Variants in CALN1 observed in about 807,000 individuals in gnomAD.
CALN1 encodes calneuron 1, also known as calcium-binding protein 8.
In CALN1, 17 loss-of-function variants were observed where a neutral mutation model predicts 30.6. The ratio of observed to expected loss-of-function variants is 0.56; its 90% CI spans 0.38 to 0.83. The LOEUF is 0.83. Among genes scored for constraint, CALN1 ranks in the 40% least tolerant of loss-of-function variants. CALN1 has a pLI of 0.00. For missense variants in CALN1, 291 were observed against 354.9 expected (o/e 0.82, Z 1.45); for synonymous variants, 156 against 131.4 (o/e 1.19, Z -1.28).
chr7:72,051,675 A>G (rs1400495035), intron 4 of CALN1, among the ~76,000 whole-genome samples: 5 of 152,230 alleles, frequency 3.3e-5, no homozygotes. Context: ...GGAAAATCTA[A>G]TTTAAAATAT....
At chr7:72,041,254 T>C (rs535635266) in intron 4 of CALN1, among the ~76,000 whole-genome samples, 1 of 152,144 alleles carries the variant, frequency 6.6e-6, no homozygotes, top group East Asian at 1.9e-4. Context: ...TAGTCTCTAG[T>C]AATGTTCAAT....
At chr7:71,826,617 T>C (rs965021987) in intron 5 of CALN1, among the ~76,000 whole-genome samples, 2 of 152,100 alleles carry the variant, frequency 1.3e-5, no homozygotes, top group African/African-American at 4.8e-5. Context: ...CCACAGACCA[T>C]GTTGGAGGGG....
At chr7:72,373,213 G>GA in intron 2 of CALN1, among the ~76,000 whole-genome samples, 1 of 151,984 alleles carries the variant, frequency 6.6e-6, no homozygotes, top group Non-Finnish European at 1.5e-5. Context: ...AACAACACAG[G>GA]AAAAAAAGGA....
At chr7:71,994,511 CAAAAAA>C (rs367725464) in intron 5 of CALN1, among the ~76,000 whole-genome samples, 1 of 44,056 alleles carries the variant, frequency 2.3e-5, no homozygotes, top group African/African-American at 8.5e-5. Flanking sequence ...GACTTCATCT[CAAAAAA>C]AAAAAAAAAA....
chr7:72,035,823 T>C (rs1173299022), intron 4 of CALN1, among the ~76,000 whole-genome samples: 2 of 152,238 alleles, frequency 1.3e-5, no homozygotes. Context: ...CTAGTAATTT[T>C]TGAAAACGCA....
chr7:72,267,337 C>G lies in CALN1; in HGVS notation c.244+11349G>C, dbSNP rs542732758. ...AGCTTACTGCACAGAAACCAGCCCC[C>G]CTCCTGGCATAAAGTCATGCTCATG... is the stretch of plus-strand genomic sequence containing the variant. On this transcript the variant is annotated intron_variant, in intron 3 of 6. Transcript: ENST00000395275. 1.4e-4 allele frequency among the ~76,000 whole-genome samples: 21 copies of G among 152,200 alleles called. 1 individual carries two copies. The highest frequency in any genetic ancestry group is 9.8e-4 in the Admixed American group (15 of 15,278).
At chr7:72,302,529 A>G (rs6969123) in intron 2 of CALN1, among the ~76,000 whole-genome samples, 150,601 of 152,196 alleles carry the variant, frequency 0.99, 74,528 homozygotes, top group Middle Eastern at 1. Flanking sequence ...GCTCAGGCCC[A>G]TCATCCCAGT....
chr7:72,014,375 C>G (rs558345454), intron 5 of CALN1, among the ~76,000 whole-genome samples: 25 of 152,326 alleles, frequency 1.6e-4, no homozygotes, highest in African/African-American at 5.8e-4. Flanking sequence ...GCGTGAGCCA[C>G]TGCAACCAGC....
chr7:72,264,516 C>T (rs1266357429), intron 3 of CALN1, among the ~76,000 whole-genome samples: 1 of 148,522 alleles, frequency 6.7e-6, no homozygotes, highest in Admixed American at 6.7e-5. Flanking sequence ...TTTTTTGAGA[C>T]AGGGTCTCGC....
chr7:72,339,106 A>G (rs996184344), intron 2 of CALN1, among the ~76,000 whole-genome samples: 1 of 152,162 alleles, frequency 6.6e-6, no homozygotes, highest in African/African-American at 2.4e-5. Flanking sequence ...TTTACTTAAC[A>G]TAATGATCTC....
chr7:72,456,385 TA>T, the CALN1 span, among the ~76,000 whole-genome samples: 1 of 150,654 alleles, frequency 6.6e-6, no homozygotes, highest in African/African-American at 2.4e-5. Flanking sequence ...GATAAATAAA[TA>T]AATAAGCCAA....
rs117914202 is a variant in CALN1 at position 72,131,149 on chromosome 7, G to A, written c.245-24855C>T. 6.0e-3 allele frequency among the ~76,000 whole-genome samples: 914 copies of A among 152,244 alleles called. 4 individuals are homozygous for A. The highest frequency in any genetic ancestry group is 0.01 in the Non-Finnish European group (694 of 68,024). ...GCAGAGTGGAGAGAGAGGCAGAAAAGCCAGCAGACCATTACAGCACGAGGA... is the reference window on the plus strand; with the variant it reads ...GCAGAGTGGAGAGAGAGGCAGAAAAACCAGCAGACCATTACAGCACGAGGA... On this transcript the variant is annotated intron_variant, in intron 3 of 6. Coordinates refer to ENST00000395275, the MANE Select transcript of CALN1 (RefSeq NM_031468.4).
chr7:72,216,917 A>AT (rs34994592), intron 3 of CALN1, among the ~76,000 whole-genome samples: 25 of 151,628 alleles, frequency 1.6e-4, no homozygotes, highest in African/African-American at 2.9e-4. Flanking sequence ...ACACCCACTG[A>AT]TTTTTTTTAA....
At chr7:72,497,067 T>C in the CALN1 span, among the ~76,000 whole-genome samples, 20 of 152,114 alleles carry the variant, frequency 1.3e-4, no homozygotes, top group Admixed American at 1.2e-3. Flanking sequence ...AAGATTCCAA[T>C]GAGCCCAGAG....
At chr7:72,295,952 C>A (rs370905600) in intron 2 of CALN1, among the ~76,000 whole-genome samples, 3 of 151,848 alleles carry the variant, frequency 2.0e-5, no homozygotes, top group Non-Finnish European at 2.9e-5. Context: ...AGTTTTCAAA[C>A]GGAATGCTTC....
chr7:72,150,678 T>C (rs780178305), intron 3 of CALN1, among the ~76,000 whole-genome samples: 13 of 152,186 alleles, frequency 8.5e-5, no homozygotes, highest in East Asian at 1.9e-4. Context: ...AAAGGCTACA[T>C]TGGGCCTCTC....
chr7:72,016,248 C>CAAAAAA (rs1216381592), intron 5 of CALN1, among the ~76,000 whole-genome samples: 5 of 73,344 alleles, frequency 6.8e-5, no homozygotes, highest in African/African-American at 2.2e-4. Context: ...GACTCCATCT[C>CAAAAAA]AAAAAAAAAA....
chr7:72,192,510 C>T (rs538873727), intron 3 of CALN1, among the ~76,000 whole-genome samples: 4 of 152,140 alleles, frequency 2.6e-5, no homozygotes, highest in African/African-American at 7.2e-5. Flanking sequence ...AAAGTTATCA[C>T]GATGGATTGT....
intron 5 of CALN1, among the ~76,000 whole-genome samples, chr7:71,906,934 C>T (rs933798547): frequency 1.3e-5 from 2 of 152,284 alleles, no homozygotes; most frequent in East Asian, 3.9e-4. Context: ...GTCTGCAGCT[C>T]TGTTTTACGC....
Sources: allele counts gnomAD v4.1 joint callset (sites outside exome capture counted in the v4.1 genomes callset), GRCh38; gene constraint gnomAD v4.1.1; transcripts MANE v1.5; gene names NCBI Gene and HGNC (gene_info 2026-07-23, HGNC 2026-07-21).